The following LYN variants were observed in gnomAD, a reference collection of about 807,000 sequenced individuals.
The protein encoded by LYN is tyrosine-protein kinase Lyn.
In LYN, 12 loss-of-function variants were observed where a neutral mutation model predicts 65.0. The observed-to-expected ratio is 0.18, with a 90% CI of 0.12 to 0.30. LYN has a LOEUF of 0.30. Ranked by LOEUF, LYN falls within the 10% of genes least tolerant of loss-of-function variation. The pLI, the probability that LYN is intolerant of heterozygous loss-of-function variation, is 1.00. For missense variants in LYN, 380 were observed against 623.2 expected, an observed-to-expected ratio of 0.61 and a Z score of 4.16; for synonymous variants, 222 against 221.2, an observed-to-expected ratio of 1.00 and a Z score of -0.03.
At chr8:56,007,578 C>A (rs1380859209) in intron 12 of LYN, among the ~76,000 whole-genome samples, 1 of 152,186 alleles carries the variant, frequency 6.6e-6, no homozygotes, top group Admixed American at 6.5e-5. Flanking sequence ...AAGGGCTCTT[C>A]CACGACAGAA....
chr8:56,006,560 A>G (rs1477285886), intron 12 of LYN, among the ~76,000 whole-genome samples: 1 of 151,616 alleles, frequency 6.6e-6, no homozygotes, highest in Non-Finnish European at 1.5e-5. Flanking sequence ...ATTTCTACCC[A>G]CTCCAGATGC....
At chr8:55,940,119 A>G (rs1304415064) in intron 1 of LYN, 1 of 152,224 alleles carries the variant, frequency 6.6e-6, no homozygotes, top group Non-Finnish European at 1.5e-5. Context: ...GAGGTTTCTT[A>G]GTACAATTCC....
At chr8:56,007,320 G>A (rs1035656981) in intron 12 of LYN, among the ~76,000 whole-genome samples, 3 of 152,156 alleles carry the variant, frequency 2.0e-5, no homozygotes, top group Non-Finnish European at 4.4e-5. Flanking sequence ...AGTTATAAGA[G>A]CCAGAGCAAT....
At chr8:55,900,459 A>T (rs1805229178) in intron 1 of LYN, among the ~76,000 whole-genome samples, 1 of 151,782 alleles carries the variant, frequency 6.6e-6, no homozygotes, top group African/African-American at 2.4e-5. Flanking sequence ...TGCAGCCTTG[A>T]ACTCCTTGGC....
At position 55,926,180 on chromosome 8, in the gene LYN, C is replaced by T. The variant is rs536393564; in HGVS notation, c.-5-15675C>T. On this transcript the variant is annotated intron_variant, in intron 1 of 12. Transcript: ENST00000519728. ...CCCTACCTTCCTGAAGCCTCTCCCA[C>T]GTAGATTTACCCCCCAGATCCAACC... is the stretch of plus-strand genomic sequence containing the variant. Among the ~76,000 whole-genome samples the T allele has an allele frequency of 3.3e-5, 5 of 152,332 alleles. No individual in the cohort carries two copies. The East Asian group carries it at 5.8e-4, about 18-fold the overall frequency.
chr8:55,962,846 G>T (rs1240268736), intron 8 of LYN, among the ~76,000 whole-genome samples: 2 of 152,144 alleles, frequency 1.3e-5, no homozygotes, highest in African/African-American at 4.8e-5. Flanking sequence ...TCTGCTTCTG[G>T]TGAAGCCTCA....
chr8:55,911,042 G>T (rs1421472448), intron 1 of LYN, among the ~76,000 whole-genome samples: 14 of 138,914 alleles, frequency 1.0e-4, no homozygotes, highest in African/African-American at 3.7e-4. Context: ...GCCTACAGGC[G>T]CCCACCTCCA....
At chr8:55,979,134 C>T (rs1352816559) in intron 10 of LYN, among the ~76,000 whole-genome samples, 3 of 147,002 alleles carry the variant, frequency 2.0e-5, no homozygotes, top group Admixed American at 1.4e-4. Flanking sequence ...CAACCTCCGC[C>T]TCCCAGGCTC....
At chr8:55,979,665 A>T (rs1475975207) in intron 10 of LYN, among the ~76,000 whole-genome samples, 1 of 152,148 alleles carries the variant, frequency 6.6e-6, no homozygotes, top group African/African-American at 2.4e-5. Flanking sequence ...TGCATTCCCC[A>T]GGTTTTGCTG....
chr8:55,951,955 TC>T lies in LYN; in HGVS notation c.488-5del. On this transcript the variant is annotated splice_polypyrimidine_tract_variant and intron_variant, in intron 6 of 12. Coordinates refer to ENST00000519728, the MANE Select transcript of LYN (RefSeq NM_002350.4). Reference sequence around the variant, plus strand: ...AGATATAAACATTTACTTACACTTTTCCCCCCATAGGAAGCTTCTCTCTGTC... The same window carrying T: ...AGATATAAACATTTACTTACACTTTTCCCCCATAGGAAGCTTCTCTCTGTC... 5 of 1,608,022 alleles carry T rather than the reference TC, an allele frequency of 3.1e-6. No homozygotes were observed. The highest frequency in any genetic ancestry group is 4.2e-6 in the Non-Finnish European group (5 of 1,177,906).
intron 10 of LYN, among the ~76,000 whole-genome samples, chr8:55,988,556 A>G (rs1808149574): frequency 6.6e-6 from 1 of 152,170 alleles, no homozygotes; most frequent in South Asian, 2.1e-4. Flanking sequence ...AAGCATAGGA[A>G]GACAATACAT....
At chr8:55,922,993 C>T (rs1033061512) in intron 1 of LYN, among the ~76,000 whole-genome samples, 2 of 151,944 alleles carry the variant, frequency 1.3e-5, no homozygotes, top group Non-Finnish European at 1.5e-5. Flanking sequence ...CCTTTCCGAG[C>T]CTAGAATCCA....
chr8:55,958,668 G>C (rs1187955449), intron 8 of LYN, among the ~76,000 whole-genome samples: 1 of 152,152 alleles, frequency 6.6e-6, no homozygotes, highest in African/African-American at 2.4e-5. Flanking sequence ...CTGTCTCTAT[G>C]AATTTGACTA....
chr8:55,906,470 C>T (rs1167248025), intron 1 of LYN, among the ~76,000 whole-genome samples: 1 of 152,040 alleles, frequency 6.6e-6, no homozygotes, highest in Non-Finnish European at 1.5e-5. Context: ...AGTGATTCAC[C>T]TTCAGCCTCC....
At chr8:56,005,370 C>T (rs1295909969) in intron 12 of LYN, among the ~76,000 whole-genome samples, 1 of 152,234 alleles carries the variant, frequency 6.6e-6, no homozygotes, top group Non-Finnish European at 1.5e-5. Context: ...CCTAGCATTC[C>T]CTGCATGAAG....
intron 8 of LYN, chr8:55,954,968 T>A (rs1328665128): frequency 6.6e-6 from 1 of 152,222 alleles, no homozygotes; most frequent in African/African-American, 2.4e-5. Flanking sequence ...TCTAATGGAA[T>A]GTGCGGTTAT....
rs1455103291 is a variant in LYN at position 55,952,034 on chromosome 8, A to C, written c.556A>C (p.Arg186=). 1.2e-6 allele frequency: 2 copies of C among 1,612,614 alleles called. No individual in the cohort carries two copies. The highest frequency in any genetic ancestry group is 1.3e-5 in the African/African-American group (1 of 74,810). ...TGATGTTATTAAGCACTACAAAATT[A>C]GAAGTCTGGATAATGGGGGCTATTA... ...HGDVIKHYKI[R]SLDNGGYYIS... Residue 186 remains arginine, a synonymous_variant, in exon 7 of 13, where the codon AGA becomes CGA. Coordinates refer to ENST00000519728, the MANE Select transcript of LYN (RefSeq NM_002350.4).
intron 8 of LYN, among the ~76,000 whole-genome samples, chr8:55,965,355 C>T (rs1055008252): frequency 1.3e-5 from 2 of 152,166 alleles, no homozygotes; most frequent in Admixed American, 6.5e-5. Context: ...GCACCTGCTG[C>T]ATCTCCTGGG....
At chr8:55,916,757 A>G (rs563747070) in intron 1 of LYN, among the ~76,000 whole-genome samples, 4 of 152,342 alleles carry the variant, frequency 2.6e-5, no homozygotes, top group African/African-American at 4.8e-5. Context: ...CAATACTGCA[A>G]TGGCACCTTA....
Sources: gnomAD v4.1 joint callset for allele counts (sites outside exome capture counted in the v4.1 genomes callset) on GRCh38, gnomAD v4.1.1 for gene constraint, MANE v1.5 for transcripts, NCBI Gene and HGNC (gene_info 2026-07-23, HGNC 2026-07-21) for gene names.